PEAK1: variants seen among roughly 807,000 people sequenced by gnomAD.
PEAK1 encodes the protein inactive tyrosine-protein kinase PEAK1.
A neutral mutation model predicts 124.7 loss-of-function variants in PEAK1; 54 were observed. The ratio of observed to expected loss-of-function variants is 0.43; its 90% CI spans 0.35 to 0.54. The LOEUF is 0.54. Among genes scored for constraint, PEAK1 ranks in the 20% least tolerant of loss-of-function variants. The pLI is 0.01. For missense variants in PEAK1, 2,046 were observed against 2,134.5 expected (o/e 0.96, Z 0.82); for synonymous variants, 719 against 760.0 (o/e 0.95, Z 0.89).
intron 6 of PEAK1, among the ~76,000 whole-genome samples, chr15:77,198,723 T>C (rs1181590417): frequency 6.6e-6 from 1 of 152,224 alleles, no homozygotes; most frequent in Non-Finnish European, 1.5e-5. Context: ...GGTCATTATA[T>C]GACAACTTAA....
chr15:77,305,741 C>G (rs140114694), intron 2 of PEAK1, among the ~76,000 whole-genome samples: 1 of 152,262 alleles, frequency 6.6e-6, no homozygotes, highest in South Asian at 2.1e-4. Context: ...ATGATCAAGT[C>G]CCTTACATAA....
At chr15:77,396,814 G>A (rs1195479989) in intron 1 of PEAK1, among the ~76,000 whole-genome samples, 1 of 151,958 alleles carries the variant, frequency 6.6e-6, no homozygotes, top group East Asian at 1.9e-4. Flanking sequence ...AAGCAAGCAA[G>A]AGAGAGAGAG....
chr15:77,182,751 A>G (rs932192193), intron 6 of PEAK1, among the ~76,000 whole-genome samples: 5 of 145,098 alleles, frequency 3.4e-5, no homozygotes, highest in East Asian at 2.0e-4. Flanking sequence ...CCTTGTCTCA[A>G]AAAAAAAAAA....
chr15:77,336,316 C>G (rs1172249276), intron 2 of PEAK1: 1 of 985,298 alleles, frequency 1.0e-6, no homozygotes, highest in Non-Finnish European at 1.2e-6. Flanking sequence ...GAGTTACTTG[C>G]AACGAGGGCT....
intron 2 of PEAK1, chr15:77,351,027 G>T: frequency 1.2e-6 from 1 of 845,122 alleles, no homozygotes; most frequent in Non-Finnish European, 1.4e-6. Flanking sequence ...GAAATACCAT[G>T]CTGAATCAAA....
intron 8 of PEAK1, among the ~76,000 whole-genome samples, chr15:77,137,493 G>C (rs1007588866): frequency 3.9e-5 from 6 of 152,230 alleles, no homozygotes; most frequent in African/African-American, 1.4e-4. Context: ...TGACCCGGAT[G>C]CAAGACATGG....
intron 6 of PEAK1, among the ~76,000 whole-genome samples, chr15:77,193,924 T>C (rs1054325820): frequency 6.6e-6 from 1 of 152,210 alleles, no homozygotes; most frequent in Admixed American, 6.5e-5. Flanking sequence ...GTGGAACAAC[T>C]TTCCAGAGTT....
At chr15:77,228,843 T>C (rs760199701) in intron 6 of PEAK1, among the ~76,000 whole-genome samples, 6 of 152,210 alleles carry the variant, frequency 3.9e-5, no homozygotes, top group Non-Finnish European at 8.8e-5. Context: ...CCTAAAAGTA[T>C]TGAGGACTCT....
At chr15:77,409,000 G>A (rs1287514603) in intron 1 of PEAK1, among the ~76,000 whole-genome samples, 1 of 152,100 alleles carries the variant, frequency 6.6e-6, no homozygotes, top group Non-Finnish European at 1.5e-5. Context: ...GAGCCCGGGA[G>A]GTCAAGTCTG....
rs1221882989 is a variant in PEAK1, at chr15:77,141,185, A to C, written c.3332-7435T>G. Among the ~76,000 whole-genome samples, 3 of 152,242 alleles carry C rather than the reference A, an allele frequency of 2.0e-5. No homozygotes were observed. The East Asian group carries it at 5.8e-4, about 29-fold the overall frequency. ...AAAAAACTATTAGAATGAATATACCAGTTCAGCAAGTTTACAGGATACAAG... is the reference window on the plus strand; with the variant it reads ...AAAAAACTATTAGAATGAATATACCCGTTCAGCAAGTTTACAGGATACAAG... On this transcript the variant is annotated intron_variant, in intron 8 of 9. Transcript: ENST00000682557.
At position 77,292,366 on chromosome 15, in the gene PEAK1, G is replaced by A. The variant is rs2063265603; in HGVS notation, c.-602-5862C>T. ...ATGGCTGAAAGCATAACTCATGATT[G>A]AGAGAAGCTTACTTAACATACATAT... is the stretch of plus-strand genomic sequence containing the variant. On this transcript the variant is annotated intron_variant, in intron 2 of 9. Coordinates refer to ENST00000682557, the MANE Select transcript of PEAK1 (RefSeq NM_001385026.1). Among the ~76,000 whole-genome samples, 2 of 152,070 alleles carry A rather than the reference G, an allele frequency of 1.3e-5. 1 individual carries two copies. The highest frequency in any genetic ancestry group is 4.1e-4 in the South Asian group (2 of 4,820).
At chr15:77,302,485 T>G (rs1443270868) in intron 2 of PEAK1, among the ~76,000 whole-genome samples, 1 of 152,192 alleles carries the variant, frequency 6.6e-6, no homozygotes, top group African/African-American at 2.4e-5. Flanking sequence ...TTCTTAATTG[T>G]TCAATTCCAG....
chr15:77,227,320 G>C (rs1449098285), intron 6 of PEAK1, among the ~76,000 whole-genome samples: 1 of 152,124 alleles, frequency 6.6e-6, no homozygotes, highest in Non-Finnish European at 1.5e-5. Context: ...AAACAAATAA[G>C]GGGGGTGGAG....
At chr15:77,134,820 T>C (rs2053180221) in intron 8 of PEAK1, among the ~76,000 whole-genome samples, 1 of 152,202 alleles carries the variant, frequency 6.6e-6, no homozygotes, top group Non-Finnish European at 1.5e-5. Context: ...TAACCCCTGG[T>C]ACCTATGAAT....
intron 1 of PEAK1, among the ~76,000 whole-genome samples, chr15:77,389,001 C>T (rs1295497461): frequency 5.8e-5 from 8 of 138,422 alleles, no homozygotes; most frequent in Middle Eastern, 4.4e-3. Context: ...CTTGCTCTGT[C>T]GCCCAGGCTG....
chr15:77,396,522 T>C (rs1024641801), intron 1 of PEAK1, among the ~76,000 whole-genome samples: 1 of 151,992 alleles, frequency 6.6e-6, no homozygotes, highest in African/African-American at 2.4e-5. Flanking sequence ...CAACTATCTG[T>C]TGCCTATAAG....
chr15:77,401,645 T>C (rs1269852125), intron 1 of PEAK1: 2 of 985,006 alleles, frequency 2.0e-6, no homozygotes, highest in South Asian at 4.7e-5. Flanking sequence ...TGTTATTCAT[T>C]AGAACTTCAA....
intron 6 of PEAK1, among the ~76,000 whole-genome samples, chr15:77,245,626 G>A (rs1378152994): frequency 1.3e-5 from 2 of 152,032 alleles, no homozygotes; most frequent in African/African-American, 4.8e-5. Context: ...TTGAACCCAG[G>A]AGGCAGAGGC....
intron 2 of PEAK1, chr15:77,330,786 CTGTTA>C (rs1316749824): frequency 6.5e-6 from 1 of 153,046 alleles, no homozygotes; most frequent in East Asian, 1.9e-4. Context: ...TCACCCTACT[CTGTTA>C]TATTTTTCTC....
Sources: gnomAD v4.1 joint callset for allele counts (sites outside exome capture counted in the v4.1 genomes callset) on GRCh38, gnomAD v4.1.1 for gene constraint, MANE v1.5 for transcripts, NCBI Gene and HGNC (gene_info 2026-07-23, HGNC 2026-07-21) for gene names.